Variants in PCGF5 observed in about 807,000 individuals in gnomAD.
The protein encoded by PCGF5 is polycomb group ring finger 5, also known as polycomb group RING finger protein 5.
In PCGF5, 9 loss-of-function variants were observed where a neutral mutation model predicts 44.3. The observed-to-expected ratio is 0.20, with a 90% CI of 0.12 to 0.35. The LOEUF (loss-of-function observed/expected upper bound fraction) is 0.35. Ranked by LOEUF, PCGF5 falls within the 10% of genes least tolerant of loss-of-function variation. The pLI is 1.00. For missense variants in PCGF5, 146 were observed against 305.3 expected (o/e 0.48, Z 3.89); for synonymous variants, 95 against 102.5 (o/e 0.93, Z 0.44).
At chr10:91,252,309 G>A (rs1845639499) in intron 6 of PCGF5, among the ~76,000 whole-genome samples, 1 of 151,786 alleles carries the variant, frequency 6.6e-6, no homozygotes. Flanking sequence ...TAGGCTAGTG[G>A]GTTGAATTTT....
At chr10:91,269,825 T>A (rs1195342278) in intron 8 of PCGF5, among the ~76,000 whole-genome samples, 2 of 152,328 alleles carry the variant, frequency 1.3e-5, no homozygotes, top group African/African-American at 4.8e-5. Context: ...CCCTTGGTTC[T>A]TTTTCATCAT....
chr10:91,241,343 A>C (rs951821587), intron 3 of PCGF5, among the ~76,000 whole-genome samples: 4 of 152,094 alleles, frequency 2.6e-5, no homozygotes, highest in African/African-American at 9.7e-5. Context: ...TGCTGGGATA[A>C]AGGTGTGAGC....
chr10:91,186,036 A>C (rs1426306587), intron 1 of PCGF5, among the ~76,000 whole-genome samples: 1 of 152,168 alleles, frequency 6.6e-6, no homozygotes, highest in African/African-American at 2.4e-5. Context: ...TCCCTGCTTC[A>C]ATATTTATTT....
intron 1 of PCGF5, among the ~76,000 whole-genome samples, chr10:91,202,131 A>C (rs1343862576): frequency 1.3e-5 from 2 of 152,224 alleles, no homozygotes; most frequent in African/African-American, 2.4e-5. Flanking sequence ...TTATTGTGAG[A>C]AATAAATAAG....
At chr10:91,238,946 G>A (rs1315135402) in intron 2 of PCGF5, among the ~76,000 whole-genome samples, 1 of 151,952 alleles carries the variant, frequency 6.6e-6, no homozygotes, top group Non-Finnish European at 1.5e-5. Context: ...TGTCATGAAG[G>A]CAGTGTTATC....
At chr10:91,163,130 CCA>C (rs1438367142) in intron 1 of PCGF5, 2 of 149,874 alleles carry the variant, frequency 1.3e-5, no homozygotes, top group Non-Finnish European at 3.0e-5. Context: ...CCGACGCGGC[CCA>C]GGGAAGTTTC....
At chr10:91,277,158 A>T (rs1288221177) in intron 9 of PCGF5, among the ~76,000 whole-genome samples, 2 of 152,184 alleles carry the variant, frequency 1.3e-5, no homozygotes, top group African/African-American at 2.4e-5. Flanking sequence ...CTCTAGTTCC[A>T]TCCTGAGCTG....
At chr10:91,188,211 C>T (rs1457266558) in intron 1 of PCGF5, among the ~76,000 whole-genome samples, 1 of 152,178 alleles carries the variant, frequency 6.6e-6, no homozygotes, top group Non-Finnish European at 1.5e-5. Flanking sequence ...GGGCGCAGGA[C>T]AGTGGGTGCA....
At chr10:91,260,455 A>T (rs1485614941) in intron 6 of PCGF5, among the ~76,000 whole-genome samples, 1 of 152,132 alleles carries the variant, frequency 6.6e-6, no homozygotes. Context: ...CCATCCCATT[A>T]CTGGGTATAT....
chr10:91,172,151 G>A (rs564747256), intron 1 of PCGF5, among the ~76,000 whole-genome samples: 3 of 151,706 alleles, frequency 2.0e-5, no homozygotes, highest in South Asian at 4.2e-4. Context: ...AGGGCCAGGC[G>A]CGGTGGCTCA....
intron 1 of PCGF5, among the ~76,000 whole-genome samples, chr10:91,187,128 G>A (rs923314729): frequency 6.6e-6 from 1 of 152,048 alleles, no homozygotes; most frequent in Admixed American, 6.6e-5. Flanking sequence ...TCTCAACCCT[G>A]GTTTCATATT....
At chr10:91,169,708 A>G (rs185666585) in intron 1 of PCGF5, among the ~76,000 whole-genome samples, 3 of 152,334 alleles carry the variant, frequency 2.0e-5, no homozygotes, top group Non-Finnish European at 4.4e-5. Flanking sequence ...TCCCAACTGT[A>G]TTCATATATT....
At chr10:91,255,751 A>AAAT (rs1335219428) in intron 6 of PCGF5, among the ~76,000 whole-genome samples, 2 of 152,168 alleles carry the variant, frequency 1.3e-5, no homozygotes, top group East Asian at 3.9e-4. Context: ...AACAACAACA[A>AAAT]AATATGGGAG....
At chr10:91,275,657 G>A (rs1368327139) in intron 9 of PCGF5, among the ~76,000 whole-genome samples, 1 of 144,152 alleles carries the variant, frequency 6.9e-6, no homozygotes, top group Non-Finnish European at 1.5e-5. Context: ...GTTTCACCGT[G>A]TTGGCCAGGA....
chr10:91,172,745 A>G (rs922233447), intron 1 of PCGF5, among the ~76,000 whole-genome samples: 6 of 152,258 alleles, frequency 3.9e-5, no homozygotes, highest in Non-Finnish European at 5.9e-5. Flanking sequence ...TATATCAACT[A>G]GAAGTGAATT....
chr10:91,171,637 G>A (rs1186808499), intron 1 of PCGF5, among the ~76,000 whole-genome samples: 1 of 152,170 alleles, frequency 6.6e-6, no homozygotes, highest in Non-Finnish European at 1.5e-5. Flanking sequence ...AGAATAGCAG[G>A]GAATATGAGA....
chr10:91,274,270 C>G (rs999016797), intron 9 of PCGF5, among the ~76,000 whole-genome samples: 2 of 152,162 alleles, frequency 1.3e-5, no homozygotes, highest in Non-Finnish European at 2.9e-5. Context: ...AAGGAAATAT[C>G]AGCAGGTGCT....
Position 91,213,550 on chromosome 10 carries a change from C to T in PCGF5, c.-183-9139C>T, listed in dbSNP as rs545958997. On this transcript the variant is annotated intron_variant, in intron 1 of 9. Transcript: ENST00000614189. ...CGTGATCTTGGCTCACTGCAACCTC[C>T]GCCTCCCAGGTTCAAGCGATTCTCC... Among the ~76,000 whole-genome samples, 13 of 152,098 alleles carry T rather than the reference C, an allele frequency of 8.5e-5. No homozygotes were observed. The South Asian group carries it at 2.1e-3, about 24-fold the overall frequency.
At chr10:91,250,707 A>G (rs1313067682) in intron 5 of PCGF5, among the ~76,000 whole-genome samples, 1 of 151,804 alleles carries the variant, frequency 6.6e-6, no homozygotes, top group African/African-American at 2.4e-5. Context: ...ACATTTGTAT[A>G]TAATATAAAG....
Sources: gnomAD v4.1 joint callset for allele counts (sites outside exome capture counted in the v4.1 genomes callset) on GRCh38, gnomAD v4.1.1 for gene constraint, MANE v1.5 for transcripts, NCBI Gene and HGNC (gene_info 2026-07-23, HGNC 2026-07-21) for gene names.